Variants in RALB observed in about 807,000 individuals in gnomAD.
The protein encoded by RALB is RAS like proto-oncogene B.
RALB carries 16 observed loss-of-function variants against 21.3 expected under a neutral mutation model. The observed-to-expected ratio is 0.75, with a 90% CI of 0.51 to 1.14. The LOEUF is 1.14. Ranked by LOEUF, RALB falls within the 50% of genes most tolerant of loss-of-function variation. The pLI is 0.00. For synonymous variants in RALB, 93 were observed against 96.1 expected (o/e 0.97, Z 0.19); for missense variants, 161 against 256.2 (o/e 0.63, Z 2.54).
At chr2:120,277,220 A>G (rs1481688641) in intron 1 of RALB, among the ~76,000 whole-genome samples, 1 of 152,090 alleles carries the variant, frequency 6.6e-6, no homozygotes, top group Non-Finnish European at 1.5e-5. Context: ...GCTGTGTAAG[A>G]GTGTGAGAGC....
intron 1 of RALB, among the ~76,000 whole-genome samples, chr2:120,246,995 C>T (rs931386156): frequency 1.8e-4 from 27 of 152,342 alleles, no homozygotes; most frequent in African/African-American, 5.1e-4. Context: ...GAGCTCAGCG[C>T]GGAATCTAGA....
intron 1 of RALB, among the ~76,000 whole-genome samples, chr2:120,267,404 T>G (rs935765628): frequency 6.5e-5 from 1 of 15,396 alleles, no homozygotes; most frequent in Non-Finnish European, 1.6e-4. Flanking sequence ...ACATGGAAAG[T>G]TGAGTCATAA....
At chr2:120,292,371 C>G (rs981111722) in intron 4 of RALB, among the ~76,000 whole-genome samples, 2 of 152,166 alleles carry the variant, frequency 1.3e-5, no homozygotes, top group Non-Finnish European at 2.9e-5. Flanking sequence ...ATCCTACTGC[C>G]TCCCCAGGGT....
At chr2:120,269,275 A>G (rs1208721921) in intron 1 of RALB, among the ~76,000 whole-genome samples, 1 of 152,142 alleles carries the variant, frequency 6.6e-6, no homozygotes, top group African/African-American at 2.4e-5. Flanking sequence ...GGTCTCACTG[A>G]CTTCAAGAAT....
chr2:120,259,937 G>A (rs911125645), intron 1 of RALB, among the ~76,000 whole-genome samples: 11 of 152,212 alleles, frequency 7.2e-5, no homozygotes, highest in African/African-American at 1.4e-4. Flanking sequence ...CGAGCGCAGT[G>A]CCGGTGGGCC....
rs1243766159 is a variant in RALB, at chr2:120,278,786, C to T, written c.114+8C>T. 1.3e-6 allele frequency: 2 copies of T among 1,517,920 alleles called. No homozygotes were observed. Among genetic ancestry groups the T allele is most frequent in the African/African-American group, 1.4e-5 (1 of 71,734 alleles). The allele number at this position is 1,517,920 out of a possible 1,614,324, so 94.0% of individuals were successfully genotyped here. ...CAGTTCATGTATGACGAGGTAAGCC[C>T]TGCTAGGCACAGACCACCTTCCTTT... On this transcript the variant is annotated splice_region_variant and intron_variant, in intron 2 of 4. Transcript: ENST00000272519.
At chr2:120,248,867 G>A (rs759265955), upstream of RALB, among the ~76,000 whole-genome samples, 3 of 151,916 alleles carry the variant, frequency 2.0e-5, no homozygotes, top group South Asian at 2.1e-4. Context: ...ATGGGGTCTC[G>A]CCATGTTGCC....
intron 1 of RALB, among the ~76,000 whole-genome samples, chr2:120,263,985 A>C (rs1021992115): frequency 1.3e-5 from 2 of 150,574 alleles, no homozygotes; most frequent in African/African-American, 4.9e-5. Flanking sequence ...GGGAGCTGGG[A>C]TTACAGATGC....
rs188107232 is a variant in RALB, at chr2:120,260,389, T to C, written c.-48+7409T>C. ...GATTTTAAGAGGGAAGAATCAAGAA[T>C]TCTATTTTGGGAATAAGTTGAGAAT... is the stretch of plus-strand genomic sequence containing the variant. On this transcript the variant is annotated intron_variant, in intron 1 of 4. Transcript: ENST00000272519. Among the ~76,000 whole-genome samples the C allele has an allele frequency of 5.0e-3, 761 of 152,346 alleles. 13 individuals carry two copies. Among genetic ancestry groups the C allele is most frequent in the African/African-American group, 0.018 (734 of 41,582 alleles).
chr2:120,276,638 C>T (rs935557223), intron 1 of RALB, among the ~76,000 whole-genome samples: 4 of 152,002 alleles, frequency 2.6e-5, no homozygotes, highest in East Asian at 1.9e-4. Context: ...GAAGTTCTGC[C>T]GAGGACTCTT....
At chr2:120,257,115 T>G (rs527586742) in intron 1 of RALB, among the ~76,000 whole-genome samples, 12,140 of 152,314 alleles carry the variant, frequency 0.08, 647 homozygotes, top group Non-Finnish European at 0.12. Flanking sequence ...TCTGAATTTT[T>G]TTCTTTAACC....
intron 1 of RALB, among the ~76,000 whole-genome samples, chr2:120,270,666 T>C (rs944213790): frequency 6.6e-6 from 1 of 152,258 alleles, no homozygotes; most frequent in Non-Finnish European, 1.5e-5. Context: ...ATTTCTGTGA[T>C]TGTAGGAAAA....
intron 2 of RALB, chr2:120,281,050 A>G: frequency 1.0e-5 from 3 of 290,508 alleles, no homozygotes; most frequent in South Asian, 8.6e-5. Flanking sequence ...GTCATTCCAT[A>G]GTTTCCATGG....
intron 1 of RALB, among the ~76,000 whole-genome samples, chr2:120,241,814 C>T (rs1454558707): frequency 1.3e-5 from 2 of 152,100 alleles, no homozygotes; most frequent in Non-Finnish European, 2.9e-5. Context: ...TTGTGCACTG[C>T]GGGTGGGAAT....
upstream of RALB, chr2:120,252,700 C>T: frequency 1.1e-6 from 1 of 891,262 alleles, no homozygotes; most frequent in Non-Finnish European, 1.3e-6. Context: ...AACCTCCTCC[C>T]CGGCCGCCCG....
chr2:120,293,397 A>G lies in RALB; in HGVS notation c.*137A>G. ...TCACTCAAACTTCTTTAAATGGGGA[A>G]AAATATTTGTGACTCTGTGGCTGGC... is the stretch of plus-strand genomic sequence containing the variant. On this transcript the variant is annotated 3_prime_UTR_variant, in exon 5 of 5. Transcript: ENST00000272519. 1.0e-6 allele frequency: 1 copy of G among 961,462 alleles called. No individual in the cohort carries two copies. Among genetic ancestry groups the G allele is most frequent in the South Asian group, 2.4e-5 (1 of 42,390 alleles). The allele number at this position is 961,462 out of a possible 1,614,324, so 59.6% of individuals were successfully genotyped here.
chr2:120,261,672 G>C (rs1394631338), intron 1 of RALB, among the ~76,000 whole-genome samples: 1 of 152,312 alleles, frequency 6.6e-6, no homozygotes, highest in South Asian at 2.1e-4. Flanking sequence ...CAGTGAGTGA[G>C]ATGGAGGGGA....
intron 1 of RALB, among the ~76,000 whole-genome samples, chr2:120,269,587 C>G (rs953110433): frequency 6.6e-6 from 1 of 152,186 alleles, no homozygotes; most frequent in African/African-American, 2.4e-5. Context: ...TAGCCAGCCA[C>G]AGAGCGCTGA....
intron 2 of RALB, among the ~76,000 whole-genome samples, chr2:120,279,003 G>A (rs1033979484): frequency 6.6e-6 from 1 of 152,176 alleles, no homozygotes; most frequent in Non-Finnish European, 1.5e-5. Context: ...AGAGATCTCT[G>A]CTTGCATCGT....
Sources: allele counts gnomAD v4.1 joint callset (sites outside exome capture counted in the v4.1 genomes callset), GRCh38; gene constraint gnomAD v4.1.1; transcripts MANE v1.5; gene names NCBI Gene and HGNC (gene_info 2026-07-23, HGNC 2026-07-21).